The following SGMS1 variants were observed in gnomAD, a reference collection of about 807,000 sequenced individuals.
SGMS1 encodes sphingomyelin synthase 1, also known as phosphatidylcholine:ceramide cholinephosphotransferase 1.
Under a neutral mutation model 46.2 loss-of-function variants are expected in SGMS1, and 13 were observed. The observed-to-expected ratio is 0.28, with a 90% confidence interval of 0.18 to 0.45. The LOEUF (loss-of-function observed/expected upper bound fraction) is 0.45, where lower values mean the gene tolerates loss of function less well. Among genes scored for constraint, SGMS1 ranks in the 20% least tolerant of loss-of-function variants. The probability of loss-of-function intolerance (pLI) is 1.00; values close to 1 mark genes in which losing one functional copy is unlikely to be tolerated. For synonymous variants in SGMS1, 203 were observed against 187.8 expected (o/e 1.08, Z -0.66); for missense variants, 324 against 519.9 (o/e 0.62, Z 3.66).
At position 50,308,132 on chromosome 10, in the gene SGMS1, G is replaced by C. The variant is rs1405487965; in HGVS notation, c.912C>G (p.Leu304=). ...GCCAGCAAATCCAGTGATACCACCA[G>C]AGTCGCCGAGGGGAATCTGAAAGGG... ...LFIKEYSPRR[L]WWYHWICWLL... Residue 304 remains leucine, a synonymous_variant, in exon 10 of 11, where the codon CTC becomes CTG. Transcript: ENST00000361781. 4 of 1,613,382 alleles carry C rather than the reference G, an allele frequency of 2.5e-6. No homozygotes were observed. The Admixed American group carries it at 6.7e-5, about 27-fold the overall frequency.
chr10:50,619,360 T>C (rs1470588792), intron 1 of SGMS1, among the ~76,000 whole-genome samples: 2 of 152,168 alleles, frequency 1.3e-5, no homozygotes, highest in African/African-American at 4.8e-5. Flanking sequence ...TATGAATGCC[T>C]GCAAATTTCC....
chr10:50,430,654 C>T (rs1849394395), intron 6 of SGMS1, among the ~76,000 whole-genome samples: 1 of 152,186 alleles, frequency 6.6e-6, no homozygotes. Flanking sequence ...CACATATCAT[C>T]TGCTCCTGAA....
chr10:50,520,390 A>G (rs1359107718), intron 2 of SGMS1, among the ~76,000 whole-genome samples: 1 of 152,126 alleles, frequency 6.6e-6, no homozygotes, highest in East Asian at 1.9e-4. Context: ...TCAAAAAAAA[A>G]ACTATTAATG....
chr10:50,418,271 G>T (rs945728832), intron 6 of SGMS1: 20 of 152,222 alleles, frequency 1.3e-4, no homozygotes, highest in African/African-American at 4.8e-4. Flanking sequence ...TGCTTGCCGG[G>T]CCCTGGTGCT....
At chr10:50,624,717 T>G, upstream of SGMS1, 1 of 985,258 alleles carries the variant, frequency 1.0e-6, no homozygotes, top group Non-Finnish European at 1.2e-6. Context: ...TGAAGGAAGG[T>G]TTTCCTCTGC....
intron 6 of SGMS1, among the ~76,000 whole-genome samples, chr10:50,376,185 A>G (rs1019345498): frequency 6.6e-6 from 1 of 152,080 alleles, no homozygotes; most frequent in Non-Finnish European, 1.5e-5. Flanking sequence ...AGAGGGGGGT[A>G]TGTTCGCTGT....
At chr10:50,523,120 T>G (rs1837870511) in intron 2 of SGMS1, among the ~76,000 whole-genome samples, 1 of 152,210 alleles carries the variant, frequency 6.6e-6, no homozygotes, top group East Asian at 1.9e-4. Flanking sequence ...TCCGGATGCC[T>G]GCTGTTCACT....
Position 50,513,677 on chromosome 10 carries a change from C to T in SGMS1, c.-498+6154G>A, listed in dbSNP as rs143569342. On this transcript the variant is annotated intron_variant, in intron 3 of 10. Transcript: ENST00000361781. ...ACTAAAAATGCATTAAATGCATATT[C>T]ATCAATTAATAAAATCAGCATTCAG... 7.5e-3 allele frequency among the ~76,000 whole-genome samples: 1,140 copies of T among 152,250 alleles called. 4 individuals are homozygous for T. The highest frequency in any genetic ancestry group is 0.01 in the Non-Finnish European group (699 of 68,024).
chr10:50,529,850 T>C (rs1163371540), intron 2 of SGMS1, among the ~76,000 whole-genome samples: 1 of 152,186 alleles, frequency 6.6e-6, no homozygotes. Context: ...TTGGTGCTTT[T>C]GGCAAAGGAG....
chr10:50,382,047 G>C (rs569235012), intron 6 of SGMS1, among the ~76,000 whole-genome samples: 68 of 152,124 alleles, frequency 4.5e-4, no homozygotes, highest in Non-Finnish European at 9.1e-4. Context: ...GACTATTGAG[G>C]TTGAAACTAT....
At chr10:50,350,350 A>T (rs144705920) in intron 6 of SGMS1, among the ~76,000 whole-genome samples, 153 of 152,342 alleles carry the variant, frequency 1.0e-3, no homozygotes, top group African/African-American at 3.6e-3. Context: ...CAGTTTGATA[A>T]GGGAAAATCT....
At chr10:50,383,233 G>T (rs1361387151) in intron 6 of SGMS1, among the ~76,000 whole-genome samples, 4 of 152,110 alleles carry the variant, frequency 2.6e-5, no homozygotes, top group African/African-American at 9.7e-5. Flanking sequence ...ATATCACATA[G>T]AAGAATTATG....
intron 6 of SGMS1, among the ~76,000 whole-genome samples, chr10:50,390,763 A>G (rs954355271): frequency 2.6e-5 from 4 of 152,252 alleles, no homozygotes; most frequent in African/African-American, 9.6e-5. Flanking sequence ...AATGTCTACA[A>G]GGATAGAGGA....
chr10:50,394,526 C>T (rs539017856), intron 6 of SGMS1, among the ~76,000 whole-genome samples: 2 of 152,350 alleles, frequency 1.3e-5, no homozygotes, highest in East Asian at 3.9e-4. Flanking sequence ...TTACCCATAA[C>T]TGTCAATAGT....
Position 50,620,884 on chromosome 10 carries a change from AAAT to A in SGMS1, c.-684+2820_-684+2822del, listed in dbSNP as rs1271675608. 3.3e-5 allele frequency among the ~76,000 whole-genome samples: 5 copies of A among 152,142 alleles called. No homozygotes were observed. The East Asian group carries it at 5.8e-4, about 18-fold the overall frequency. ...TCCAACAGGAGCACTTTTTAGTTAA[AAAT>A]AATAATAATAATACTGCTAGGTGCA... On this transcript the variant is annotated intron_variant, in intron 1 of 10. Coordinates refer to ENST00000361781, the MANE Select transcript of SGMS1 (RefSeq NM_147156.4).
chr10:50,533,024 A>G (rs1837968134), intron 2 of SGMS1, among the ~76,000 whole-genome samples: 1 of 152,240 alleles, frequency 6.6e-6, no homozygotes, highest in African/African-American at 2.4e-5. Flanking sequence ...CAAATAAATG[A>G]GACAGGTACC....
intron 2 of SGMS1, among the ~76,000 whole-genome samples, chr10:50,552,901 G>C (rs1357207800): frequency 6.6e-6 from 1 of 152,200 alleles, no homozygotes; most frequent in Non-Finnish European, 1.5e-5. Flanking sequence ...GTGAACACCA[G>C]AGCAAAGATG....
intron 2 of SGMS1, among the ~76,000 whole-genome samples, chr10:50,584,526 AC>A (rs2131881916): frequency 6.6e-6 from 1 of 151,614 alleles, no homozygotes; most frequent in South Asian, 2.1e-4. Flanking sequence ...AAAAAGATCA[AC>A]TACACCTTAA....
At chr10:50,464,577 C>T (rs1837307102) in intron 4 of SGMS1, among the ~76,000 whole-genome samples, 1 of 152,216 alleles carries the variant, frequency 6.6e-6, no homozygotes, top group Non-Finnish European at 1.5e-5. Flanking sequence ...GGACTACAGG[C>T]ATCCACCACC....
Sources: gnomAD v4.1 joint callset for allele counts (sites outside exome capture counted in the v4.1 genomes callset) on GRCh38, gnomAD v4.1.1 for gene constraint, MANE v1.5 for transcripts, NCBI Gene and HGNC (gene_info 2026-07-23, HGNC 2026-07-21) for gene names.